The following KCND2 variants were observed in gnomAD, a reference collection of about 807,000 sequenced individuals.
The protein encoded by KCND2 is potassium voltage-gated channel subfamily D member 2, also known as A-type voltage-gated potassium channel KCND2.
KCND2 carries 16 observed loss-of-function variants against 54.4 expected under a neutral mutation model. That is an observed-to-expected ratio of 0.29 (90% CI 0.20 to 0.45). KCND2 has a LOEUF of 0.45. KCND2 is among the 20% of genes least tolerant of loss of function. KCND2 has a pLI of 1.00. For synonymous variants in KCND2, 317 were observed against 310.7 expected, an observed-to-expected ratio of 1.02 and a Z score of -0.21; for missense variants, 486 against 824.2, an observed-to-expected ratio of 0.59 and a Z score of 5.02.
At chr7:120,479,839 C>T (rs1287336457) in intron 1 of KCND2, among the ~76,000 whole-genome samples, 3 of 146,480 alleles carry the variant, frequency 2.0e-5, no homozygotes, top group Non-Finnish European at 3.0e-5. Context: ...TGTGGTGGCA[C>T]GTACCTGTAA....
At chr7:120,629,695 A>T (rs188750569) in intron 1 of KCND2, among the ~76,000 whole-genome samples, 1 of 152,334 alleles carries the variant, frequency 6.6e-6, no homozygotes, top group East Asian at 1.9e-4. Flanking sequence ...AAGTGTGAGC[A>T]GTATTGGCTG....
chr7:120,415,188 A>G (rs1273037726), intron 1 of KCND2, among the ~76,000 whole-genome samples: 1 of 152,158 alleles, frequency 6.6e-6, no homozygotes, highest in Non-Finnish European at 1.5e-5. Context: ...CTACCCTCTG[A>G]AAAGATTATT....
At chr7:120,699,150 C>T (rs541246501) in intron 1 of KCND2, among the ~76,000 whole-genome samples, 9 of 151,868 alleles carry the variant, frequency 5.9e-5, no homozygotes, top group African/African-American at 9.7e-5. Flanking sequence ...GGTGTGGTGG[C>T]GGGTACCTGT....
intron 1 of KCND2, among the ~76,000 whole-genome samples, chr7:120,411,110 G>T (rs988855086): frequency 6.6e-6 from 1 of 151,886 alleles, no homozygotes; most frequent in Non-Finnish European, 1.5e-5. Context: ...AAATCAATGT[G>T]CAAAAGTCTT....
At chr7:120,385,172 AT>A (rs145451228) in intron 1 of KCND2, among the ~76,000 whole-genome samples, 66 of 142,328 alleles carry the variant, frequency 4.6e-4, no homozygotes, top group Non-Finnish European at 3.9e-4. Context: ...ACGCTCGACT[AT>A]TTTTTTTTTT....
intron 1 of KCND2, among the ~76,000 whole-genome samples, chr7:120,424,316 A>G (rs1203000886): frequency 2.0e-5 from 3 of 152,196 alleles, no homozygotes; most frequent in Non-Finnish European, 2.9e-5. Flanking sequence ...AATATTTACC[A>G]CTTGATAGAA....
chr7:120,614,743 A>G (rs1792999981), intron 1 of KCND2, among the ~76,000 whole-genome samples: 1 of 152,258 alleles, frequency 6.6e-6, no homozygotes, highest in Non-Finnish European at 1.5e-5. Context: ...TTAAGTAATT[A>G]TAAAACATTA....
chr7:120,548,807 T>G (rs1169728228), intron 1 of KCND2, among the ~76,000 whole-genome samples: 1 of 152,046 alleles, frequency 6.6e-6, no homozygotes. Flanking sequence ...GAATTGTTAT[T>G]GGTGGCGTAT....
chr7:120,627,726 A>G (rs1420698238), intron 1 of KCND2, among the ~76,000 whole-genome samples: 1 of 152,078 alleles, frequency 6.6e-6, no homozygotes, highest in Non-Finnish European at 1.5e-5. Flanking sequence ...TCAATATTTC[A>G]TGCTTATAGA....
At chr7:120,295,365 C>CACACACACACACAG (rs1799495248) in intron 1 of KCND2, among the ~76,000 whole-genome samples, 1 of 141,286 alleles carries the variant, frequency 7.1e-6, no homozygotes, top group African/African-American at 3.0e-5. Context: ...CACACACACA[C>CACACACACACACAG]ACACACACAC....
At chr7:120,322,540 G>A (rs1799906151) in intron 1 of KCND2, among the ~76,000 whole-genome samples, 1 of 152,122 alleles carries the variant, frequency 6.6e-6, no homozygotes, top group Non-Finnish European at 1.5e-5. Context: ...TATTTCTAAT[G>A]TAACTTATGG....
chr7:120,281,935 T>G (rs75917240), intron 1 of KCND2, among the ~76,000 whole-genome samples: 20 of 152,190 alleles, frequency 1.3e-4, no homozygotes, highest in Non-Finnish European at 1.0e-4. Flanking sequence ...ATCTACTAAA[T>G]GTACCCTTTT....
chr7:120,464,368 T>C (rs943787817), intron 1 of KCND2, among the ~76,000 whole-genome samples: 1 of 152,206 alleles, frequency 6.6e-6, no homozygotes, highest in East Asian at 1.9e-4. Flanking sequence ...CTTTGGGGGC[T>C]TAAAAGCTAA....
intron 1 of KCND2, among the ~76,000 whole-genome samples, chr7:120,428,911 A>G (rs1801752997): frequency 6.6e-6 from 1 of 152,124 alleles, no homozygotes; most frequent in African/African-American, 2.4e-5. Context: ...TTACCTCTCC[A>G]ATTGTTGCTC....
rs556905722 is a variant in KCND2, at chr7:120,298,430, C to T, written c.1115+22683C>T. Among the ~76,000 whole-genome samples the T allele has an allele frequency of 2.0e-5, 3 of 152,326 alleles. No individual in the cohort carries two copies. The South Asian group carries it at 6.2e-4, about 32-fold the overall frequency. The stretch of plus-strand genomic sequence containing the variant: ...TCTAGTGACTAAAATTTTTGACCAA[C>T]TGTACTTTTCAGTCCAGGTGTTTGG... On this transcript the variant is annotated intron_variant, in intron 1 of 5. Coordinates refer to ENST00000331113, the MANE Select transcript of KCND2 (RefSeq NM_012281.3).
chr7:120,314,952 CT>C lies in KCND2; in HGVS notation c.1115+39215del, dbSNP rs112227168. On this transcript the variant is annotated intron_variant, in intron 1 of 5. Coordinates refer to ENST00000331113, the MANE Select transcript of KCND2 (RefSeq NM_012281.3). ...ATAATGCATGTTATCACCACTGAAA[CT>C]TTTTTTTTTAAAAGAAAGCATGCAC... is the stretch of plus-strand genomic sequence containing the variant. 8.2e-4 allele frequency among the ~76,000 whole-genome samples: 122 copies of C among 149,418 alleles called. 1 individual carries two copies. The East Asian group carries it at 0.013, about 16-fold the overall frequency.
chr7:120,380,268 G>A (rs1441644161), intron 1 of KCND2, among the ~76,000 whole-genome samples: 4 of 151,956 alleles, frequency 2.6e-5, no homozygotes, highest in Non-Finnish European at 1.5e-5. Flanking sequence ...ATAGAACCAA[G>A]GTGGACTGCA....
intron 1 of KCND2, among the ~76,000 whole-genome samples, chr7:120,434,852 A>G (rs1190529407): frequency 1.3e-5 from 2 of 151,996 alleles, no homozygotes; most frequent in Non-Finnish European, 1.5e-5. Context: ...GGTGTGAGCT[A>G]TTACCCTAAA....
chr7:120,688,453 T>A (rs1273675071), intron 1 of KCND2, among the ~76,000 whole-genome samples: 3 of 152,168 alleles, frequency 2.0e-5, no homozygotes, highest in Non-Finnish European at 4.4e-5. Flanking sequence ...AGTTTTCAAG[T>A]GATACAGAAA....
Sources: gnomAD v4.1 joint callset for allele counts (sites outside exome capture counted in the v4.1 genomes callset) on GRCh38, gnomAD v4.1.1 for gene constraint, MANE v1.5 for transcripts, NCBI Gene and HGNC (gene_info 2026-07-23, HGNC 2026-07-21) for gene names.